Variants in CSMD3 observed in about 807,000 individuals in gnomAD.
CSMD3 encodes CUB and Sushi multiple domains 3.
Under a neutral mutation model 435.2 loss-of-function variants are expected in CSMD3, and 177 were observed. The ratio of observed to expected loss-of-function variants is 0.41; its 90% CI spans 0.36 to 0.46. The LOEUF (loss-of-function observed/expected upper bound fraction) is 0.46. CSMD3 is among the 20% of genes least tolerant of loss of function. CSMD3 has a pLI of 0.34. For missense variants in CSMD3, 4,265 were observed against 4,504.6 expected, an observed-to-expected ratio of 0.95 and a Z score of 1.52; for synonymous variants, 1,656 against 1,520.5, an observed-to-expected ratio of 1.09 and a Z score of -2.07.
intron 3 of CSMD3, among the ~76,000 whole-genome samples, chr8:113,264,801 A>G (rs1030541752): frequency 6.6e-6 from 1 of 151,728 alleles, no homozygotes; most frequent in Non-Finnish European, 1.5e-5. Flanking sequence ...AAGTGATTAA[A>G]TATAGCTCAT....
At chr8:112,772,496 A>G (rs2078144613) in intron 13 of CSMD3, among the ~76,000 whole-genome samples, 1 of 152,118 alleles carries the variant, frequency 6.6e-6, no homozygotes, top group Non-Finnish European at 1.5e-5. Flanking sequence ...TCTGCCTAGG[A>G]AAGCCAGGTA....
chr8:112,959,784 C>A (rs1276861624), intron 7 of CSMD3, among the ~76,000 whole-genome samples: 1 of 151,732 alleles, frequency 6.6e-6, no homozygotes, highest in Non-Finnish European at 1.5e-5. Context: ...GAGAAAGTGG[C>A]ACATATCACT....
intron 13 of CSMD3, among the ~76,000 whole-genome samples, chr8:112,733,921 C>T (rs1587117194): frequency 6.6e-6 from 1 of 152,000 alleles, no homozygotes; most frequent in South Asian, 2.1e-4. Flanking sequence ...ATTAATTTCT[C>T]CAGAGTGCTA....
intron 3 of CSMD3, among the ~76,000 whole-genome samples, chr8:113,239,416 T>C (rs1182597100): frequency 6.6e-6 from 1 of 152,186 alleles, no homozygotes; most frequent in East Asian, 1.9e-4. Flanking sequence ...GATGAACGTA[T>C]GCCACTGTGA....
intron 17 of CSMD3, among the ~76,000 whole-genome samples, chr8:112,663,829 A>T (rs1335709132): frequency 6.6e-6 from 1 of 152,166 alleles, no homozygotes; most frequent in Non-Finnish European, 1.5e-5. Context: ...AAAGAAAGTG[A>T]TGCAAATGAA....
intron 2 of CSMD3, among the ~76,000 whole-genome samples, chr8:113,290,277 T>C (rs935848540): frequency 3.3e-5 from 5 of 151,702 alleles, no homozygotes; most frequent in African/African-American, 1.2e-4. Context: ...AATAAAGCCT[T>C]ATGATAGTGA....
intron 13 of CSMD3, among the ~76,000 whole-genome samples, chr8:112,748,244 G>A (rs1220971480): frequency 6.6e-6 from 1 of 152,150 alleles, no homozygotes; most frequent in Non-Finnish European, 1.5e-5. Flanking sequence ...AATTGAATAG[G>A]AAAATATATG....
At chr8:113,195,204 C>G (rs1588250259) in intron 3 of CSMD3, among the ~76,000 whole-genome samples, 1 of 149,892 alleles carries the variant, frequency 6.7e-6, no homozygotes. Flanking sequence ...TCCCATGACA[C>G]TGCCCATTAC....
chr8:112,787,810 G>A (rs1053890974), intron 13 of CSMD3, among the ~76,000 whole-genome samples: 3 of 152,126 alleles, frequency 2.0e-5, no homozygotes, highest in African/African-American at 4.8e-5. Context: ...GGGTGGTCGG[G>A]AGAGGAGGTA....
chr8:112,289,012 T>C (rs2130650867), intron 57 of CSMD3, among the ~76,000 whole-genome samples: 1 of 152,198 alleles, frequency 6.6e-6, no homozygotes, highest in South Asian at 2.1e-4. Flanking sequence ...TGGGGAAAAT[T>C]ATATGTGGTA....
At chr8:113,302,754 C>T (rs946763499) in intron 2 of CSMD3, among the ~76,000 whole-genome samples, 24 of 145,346 alleles carry the variant, frequency 1.7e-4, no homozygotes, top group Admixed American at 5.0e-4. Flanking sequence ...ATTGATGGGA[C>T]GTATTTCAAA....
At position 112,541,081 on chromosome 8, in the gene CSMD3, A is replaced by T. The variant is rs143659484; in HGVS notation, c.4564+9590T>A. The stretch of plus-strand genomic sequence containing the variant: ...CCAATAAAAAAGAGAAATAGAAAAC[A>T]CCTCAAGATGAAACAAAAACACGAT... On this transcript the variant is annotated intron_variant, in intron 27 of 70. Transcript: ENST00000297405. 3.3e-3 allele frequency among the ~76,000 whole-genome samples: 497 copies of T among 152,042 alleles called. 4 individuals are homozygous for T. The highest frequency in any genetic ancestry group is 0.011 in the African/African-American group (477 of 41,546).
chr8:112,518,828 G>C (rs1016827587), intron 27 of CSMD3, among the ~76,000 whole-genome samples: 1 of 152,088 alleles, frequency 6.6e-6, no homozygotes, highest in Non-Finnish European at 1.5e-5. Flanking sequence ...GGCTTAGTAG[G>C]AAGCATGGCT....
chr8:113,098,617 C>G, intron 5 of CSMD3, 139 bp downstream of exon 5: 1 of 648,556 alleles, frequency 1.5e-6, no homozygotes. Context: ...TATCCTTCAG[C>G]TCTGACAACC....
chr8:112,656,471 C>A, intron 17 of CSMD3, 130 bp from the exon 18 acceptor site: 2 of 609,252 alleles, frequency 3.3e-6, no homozygotes, highest in Non-Finnish European at 5.5e-6. Context: ...TTTAGCTTAT[C>A]TAATATCTAA....
chr8:112,726,014 G>A (rs1263157635), intron 13 of CSMD3, among the ~76,000 whole-genome samples: 2 of 151,888 alleles, frequency 1.3e-5, no homozygotes, highest in Non-Finnish European at 2.9e-5. Context: ...TACAATTATG[G>A]CGGAAGGCAA....
chr8:113,163,975 C>G (rs960058508), intron 4 of CSMD3, among the ~76,000 whole-genome samples: 3 of 151,928 alleles, frequency 2.0e-5, no homozygotes, highest in Non-Finnish European at 4.4e-5. Context: ...GCCTTCTTTG[C>G]GTTGTTTAGC....
At chr8:112,784,522 T>A (rs943448088) in intron 13 of CSMD3, among the ~76,000 whole-genome samples, 2 of 151,734 alleles carry the variant, frequency 1.3e-5, no homozygotes, top group African/African-American at 4.8e-5. Context: ...AAACCTTATG[T>A]CATACTAAGA....
chr8:113,344,805 C>T (rs900516958), intron 1 of CSMD3, among the ~76,000 whole-genome samples: 4 of 152,058 alleles, frequency 2.6e-5, no homozygotes, highest in African/African-American at 4.8e-5. Flanking sequence ...TTAACATCAA[C>T]CACTTAATAT....
Sources: gnomAD v4.1 joint callset for allele counts (sites outside exome capture counted in the v4.1 genomes callset) on GRCh38, gnomAD v4.1.1 for gene constraint, MANE v1.5 for transcripts, NCBI Gene and HGNC (gene_info 2026-07-23, HGNC 2026-07-21) for gene names.